Variants in RBMS3 observed in about 807,000 individuals in gnomAD.
RBMS3 encodes the protein RNA binding motif single stranded interacting protein 3, also known as RNA-binding motif, single-stranded-interacting protein 3.
In RBMS3, 27 loss-of-function variants were observed where a neutral mutation model predicts 66.8. That is an observed-to-expected ratio of 0.40 (90% CI 0.30 to 0.56). RBMS3 has a LOEUF of 0.56. Among genes scored for constraint, RBMS3 ranks in the 20% least tolerant of loss-of-function variants. The pLI is 0.40. For missense variants in RBMS3, 513 were observed against 549.5 expected (o/e 0.93, Z 0.66); for synonymous variants, 188 against 183.0 (o/e 1.03, Z -0.22).
At chr3:29,687,658 T>G (rs1239460738) in intron 4 of RBMS3, among the ~76,000 whole-genome samples, 2 of 152,214 alleles carry the variant, frequency 1.3e-5, no homozygotes. Context: ...TTGGTTCATA[T>G]AGGGAATGTT....
rs75882108 is a variant in RBMS3 at position 29,576,794 on chromosome 3, C to G, written c.308-10320C>G. On this transcript the variant is annotated intron_variant, in intron 3 of 14. Coordinates refer to ENST00000383767, the MANE Select transcript of RBMS3 (RefSeq NM_001003793.3). ...CCCATTGAGGGGTTCTGCCAGGCCA[C>G]TGCCCATGTTCCCTTAAAGCCCAGT... Among the ~76,000 whole-genome samples, 818 of 152,290 alleles carry G rather than the reference C, an allele frequency of 5.4e-3. 10 individuals are homozygous for G. Among genetic ancestry groups the G allele is most frequent in the African/African-American group, 0.019 (790 of 41,556 alleles).
chr3:29,373,473 A>G (rs746236846), intron 1 of RBMS3, among the ~76,000 whole-genome samples: 7 of 152,250 alleles, frequency 4.6e-5, no homozygotes, highest in Non-Finnish European at 1.0e-4. Flanking sequence ...ACAATTAACC[A>G]AAAGATGCAG....
chr3:29,470,221 G>A (rs576259858), intron 2 of RBMS3, among the ~76,000 whole-genome samples: 2 of 151,784 alleles, frequency 1.3e-5, no homozygotes, highest in African/African-American at 4.8e-5. Context: ...CATGTTTTAA[G>A]TTTTTTGAAT....
intron 10 of RBMS3, among the ~76,000 whole-genome samples, chr3:29,915,431 G>T (rs2060614779): frequency 6.6e-6 from 1 of 151,938 alleles, no homozygotes; most frequent in Non-Finnish European, 1.5e-5. Flanking sequence ...TTCCTGTGGG[G>T]TTTTTCCATG....
intron 12 of RBMS3, among the ~76,000 whole-genome samples, chr3:29,961,466 C>G (rs951895438): frequency 2.6e-5 from 4 of 152,108 alleles, no homozygotes; most frequent in Non-Finnish European, 4.4e-5. Context: ...GGTATCTTTA[C>G]AGCAGCACCC....
chr3:29,950,517 C>T (rs956948782), intron 12 of RBMS3, among the ~76,000 whole-genome samples: 8 of 151,870 alleles, frequency 5.3e-5, no homozygotes. Context: ...CTTGAGGCGC[C>T]TGTCAGAGAA....
intron 6 of RBMS3, among the ~76,000 whole-genome samples, chr3:29,769,067 T>C (rs2056066126): frequency 6.6e-6 from 1 of 152,000 alleles, no homozygotes; most frequent in Non-Finnish European, 1.5e-5. Context: ...ACTGTTTTTA[T>C]GACTTTTTGT....
Position 29,849,923 on chromosome 3 carries a change from A to G in RBMS3, c.638-18935A>G, listed in dbSNP as rs2149517236. On this transcript the variant is annotated intron_variant, in intron 6 of 14. Coordinates refer to ENST00000383767, the MANE Select transcript of RBMS3 (RefSeq NM_001003793.3). ...TAAACATGCCAATTATGTCAGAGAAAAATTATGAATGCCTGAATATTTGCA... is the reference window on the plus strand; with the variant it reads ...TAAACATGCCAATTATGTCAGAGAAGAATTATGAATGCCTGAATATTTGCA... Among the ~76,000 whole-genome samples the G allele has an allele frequency of 1.3e-5, 2 of 152,352 alleles. 1 individual carries two copies. Among genetic ancestry groups the G allele is most frequent in the South Asian group, 4.1e-4 (2 of 4,832 alleles).
chr3:29,497,386 A>C (rs2043794805), intron 3 of RBMS3, among the ~76,000 whole-genome samples: 1 of 152,174 alleles, frequency 6.6e-6, no homozygotes, highest in Admixed American at 6.5e-5. Context: ...CATTACTTTC[A>C]CCCGTAAACC....
At chr3:29,952,034 A>G (rs1577233329) in intron 12 of RBMS3, among the ~76,000 whole-genome samples, 1 of 151,978 alleles carries the variant, frequency 6.6e-6, no homozygotes, top group South Asian at 2.1e-4. Context: ...CTTTAATAAC[A>G]GTCTTTGAAA....
At chr3:29,301,856 A>G (rs966244237) in intron 1 of RBMS3, among the ~76,000 whole-genome samples, 3 of 151,920 alleles carry the variant, frequency 2.0e-5, no homozygotes, top group Non-Finnish European at 4.4e-5. Flanking sequence ...AGTTTGCATG[A>G]TCTCCTAAGA....
At chr3:29,469,708 CAA>C (rs2042657195) in intron 2 of RBMS3, among the ~76,000 whole-genome samples, 1 of 150,084 alleles carries the variant, frequency 6.7e-6, no homozygotes, top group Non-Finnish European at 1.5e-5. Context: ...ATAAGAAAGA[CAA>C]GGGATATTTT....
chr3:29,607,008 T>C lies in RBMS3; in HGVS notation c.399+19803T>C, dbSNP rs529694436. ...TAAAATAATCTGACAGAGAAAAAAG[T>C]ACTGTTTGCTTCACAGTTTCACTAA... On this transcript the variant is annotated intron_variant, in intron 4 of 14. Coordinates refer to ENST00000383767, the MANE Select transcript of RBMS3 (RefSeq NM_001003793.3). Among the ~76,000 whole-genome samples, 20 of 152,114 alleles carry C rather than the reference T, an allele frequency of 1.3e-4. 1 individual carries two copies. The South Asian group carries it at 3.9e-3, about 30-fold the overall frequency.
intron 10 of RBMS3, among the ~76,000 whole-genome samples, chr3:29,903,770 G>A (rs1227502322): frequency 6.6e-6 from 1 of 151,780 alleles, no homozygotes; most frequent in African/African-American, 2.4e-5. Flanking sequence ...TTACAAATTG[G>A]TTATCTAATT....
At chr3:29,421,273 C>G (rs958458786) in intron 1 of RBMS3, among the ~76,000 whole-genome samples, 1 of 152,136 alleles carries the variant, frequency 6.6e-6, no homozygotes, top group African/African-American at 2.4e-5. Context: ...CTATCCCATT[C>G]TTATGCTGTG....
chr3:29,979,009 G>A (rs924248335), intron 12 of RBMS3, among the ~76,000 whole-genome samples: 13 of 152,102 alleles, frequency 8.5e-5, no homozygotes, highest in African/African-American at 3.1e-4. Context: ...GTGCATGCAT[G>A]TAGTCCCAGC....
At chr3:29,623,296 A>G (rs2048940183) in intron 4 of RBMS3, among the ~76,000 whole-genome samples, 2 of 152,030 alleles carry the variant, frequency 1.3e-5, no homozygotes, top group African/African-American at 4.8e-5. Flanking sequence ...TAAACATTAT[A>G]AAAGTATAAA....
intron 4 of RBMS3, among the ~76,000 whole-genome samples, chr3:29,630,590 G>T (rs1191172466): frequency 6.6e-6 from 1 of 151,956 alleles, no homozygotes; most frequent in Non-Finnish European, 1.5e-5. Context: ...AATCCTTTCT[G>T]AATCATATCA....
chr3:29,301,464 G>A (rs189476467), intron 1 of RBMS3, among the ~76,000 whole-genome samples: 13 of 152,070 alleles, frequency 8.5e-5, no homozygotes, highest in African/African-American at 2.9e-4. Flanking sequence ...CCCTCTTAAC[G>A]TCTAAAATGT....
Sources: gnomAD v4.1 joint callset for allele counts (sites outside exome capture counted in the v4.1 genomes callset) on GRCh38, gnomAD v4.1.1 for gene constraint, MANE v1.5 for transcripts, NCBI Gene and HGNC (gene_info 2026-07-23, HGNC 2026-07-21) for gene names.